MAN1A1: variants seen among roughly 807,000 people sequenced by gnomAD.
MAN1A1 encodes the protein mannosyl-oligosaccharide 1,2-alpha-mannosidase IA.
Under a neutral mutation model 70.8 loss-of-function variants are expected in MAN1A1, and 29 were observed. The ratio of observed to expected loss-of-function variants is 0.41; its 90% confidence interval spans 0.31 to 0.56. MAN1A1 has a LOEUF of 0.56. Among genes scored for constraint, MAN1A1 ranks in the 20% least tolerant of loss-of-function variants. The probability of loss-of-function intolerance (pLI) is 0.29; values close to 1 mark genes in which losing one functional copy is unlikely to be tolerated. For missense variants in MAN1A1, 747 were observed against 841.3 expected (o/e 0.89, Z 1.39); for synonymous variants, 349 against 330.1 (o/e 1.06, Z -0.62).
chr6:119,224,999 T>C (rs1247351450), intron 6 of MAN1A1, among the ~76,000 whole-genome samples: 1 of 151,992 alleles, frequency 6.6e-6, no homozygotes, highest in South Asian at 2.1e-4. Context: ...TGGTGGTGCA[T>C]GCCTGTAATC....
intron 6 of MAN1A1, among the ~76,000 whole-genome samples, chr6:119,246,654 G>A (rs374492274): frequency 9.2e-5 from 14 of 152,124 alleles, no homozygotes; most frequent in African/African-American, 2.9e-4. Context: ...AATTGTGCAC[G>A]GTGCTTTTGT....
intron 6 of MAN1A1, among the ~76,000 whole-genome samples, chr6:119,235,279 C>T (rs1774810298): frequency 6.6e-6 from 1 of 152,146 alleles, no homozygotes; most frequent in Non-Finnish European, 1.5e-5. Context: ...GAAAACAGAA[C>T]AAAAGCTATG....
intron 5 of MAN1A1, among the ~76,000 whole-genome samples, chr6:119,256,751 T>C (rs1487161239): frequency 6.6e-6 from 1 of 152,186 alleles, no homozygotes; most frequent in Admixed American, 6.5e-5. Flanking sequence ...TTTTCTCTTT[T>C]GTAAAATGGG....
At chr6:119,278,540 C>A (rs191872110) in intron 5 of MAN1A1, among the ~76,000 whole-genome samples, 1 of 151,894 alleles carries the variant, frequency 6.6e-6, no homozygotes. Context: ...ATCACTTCAC[C>A]GGTACTTAGT....
At chr6:119,345,976 C>T (rs1478929946) in intron 2 of MAN1A1, among the ~76,000 whole-genome samples, 3 of 152,008 alleles carry the variant, frequency 2.0e-5, no homozygotes, top group Non-Finnish European at 2.9e-5. Flanking sequence ...TGTGGTGGCA[C>T]GTGCCTGTAA....
rs1167101853 is a variant in MAN1A1 at position 119,177,644 on chromosome 6, CTCTTA to C, written c.*2170_*2174del. 1 of 151,936 alleles carries C rather than the reference CTCTTA, an allele frequency of 6.6e-6. No homozygotes were observed. Among genetic ancestry groups the C allele is most frequent in the Non-Finnish European group, 1.5e-5 (1 of 67,878 alleles). The allele number at this position is 151,936 out of a possible 1,614,324, so 9.4% of individuals were successfully genotyped here. A position where few individuals can be genotyped will look rare whatever the true frequency, so the allele number is the denominator to read the frequency against. ...TAAATTACATCACTACAATATTAATCTCTTATCTTGTTTACATTTTTGGTGTTTTG... is the reference window on the plus strand; with the variant it reads ...TAAATTACATCACTACAATATTAATCTCTTGTTTACATTTTTGGTGTTTTG... On this transcript the variant is annotated 3_prime_UTR_variant, in exon 13 of 13. Transcript: ENST00000368468.
At chr6:119,196,819 A>G (rs55810690) in intron 8 of MAN1A1, among the ~76,000 whole-genome samples, 1 of 152,206 alleles carries the variant, frequency 6.6e-6, no homozygotes, top group Non-Finnish European at 1.5e-5. Context: ...GCTAGACTAG[A>G]TATAGATAGA....
chr6:119,293,756 G>A (rs3798620), intron 4 of MAN1A1, among the ~76,000 whole-genome samples: 57,414 of 151,800 alleles, frequency 0.38, 11,344 homozygotes, highest in Non-Finnish European at 0.41. Context: ...TTATAGATTC[G>A]TAGATGAAAA....
intron 5 of MAN1A1, among the ~76,000 whole-genome samples, chr6:119,254,814 G>T (rs1012864498): frequency 6.6e-6 from 1 of 152,046 alleles, no homozygotes; most frequent in Admixed American, 6.5e-5. Context: ...CTGAAAGAAG[G>T]GTGGTAAAAT....
Position 119,348,831 on chromosome 6 carries a change from C to G in MAN1A1, c.235G>C (p.Ala79Pro). 6.8e-7 allele frequency: 1 copy of G among 1,477,760 alleles called. No homozygotes were observed. Among genetic ancestry groups the G allele is most frequent in the East Asian group, 2.8e-5 (1 of 35,344 alleles). The allele number at this position is 1,477,760 out of a possible 1,614,324, so 91.5% of individuals were successfully genotyped here. ...TTGTGGTCGGCGGCCGGCTGCAAGG[C>G]GGGGCTGGAGTGGAACAGGACCCCG... ...LSGVLFHSSPALQPAADHKPG... is the reference protein window; with the variant it reads ...LSGVLFHSSPPLQPAADHKPG... Residue 79 changes from alanine (A) to proline (P), a missense_variant, in exon 2 of 13, where the codon GCC (alanine) becomes CCC (proline). Transcript: ENST00000368468.
intron 11 of MAN1A1, among the ~76,000 whole-genome samples, chr6:119,180,899 A>G (rs1773135908): frequency 6.6e-6 from 1 of 152,214 alleles, no homozygotes; most frequent in African/African-American, 2.4e-5. Flanking sequence ...ACCATAAACT[A>G]AATGTAAATT....
At chr6:119,232,073 T>G (rs914735335) in intron 6 of MAN1A1, among the ~76,000 whole-genome samples, 10 of 152,066 alleles carry the variant, frequency 6.6e-5, no homozygotes, top group Non-Finnish European at 1.5e-4. Context: ...CATGGAAAAC[T>G]TTTAAAAATA....
intron 2 of MAN1A1, among the ~76,000 whole-genome samples, chr6:119,316,176 T>G (rs1469317864): frequency 7.3e-4 from 24 of 32,680 alleles, no homozygotes; most frequent in Admixed American, 2.3e-3. Context: ...TTTTTGTGGG[T>G]TTTTTTTTTT....
At chr6:119,348,144 T>C (rs1033682415) in intron 2 of MAN1A1, among the ~76,000 whole-genome samples, 1 of 152,182 alleles carries the variant, frequency 6.6e-6, no homozygotes, top group African/African-American at 2.4e-5. Flanking sequence ...GTGGGGCGAT[T>C]AACCGTGTAG....
intron 7 of MAN1A1, among the ~76,000 whole-genome samples, chr6:119,202,816 G>GA (rs1236199723): frequency 1.3e-5 from 2 of 152,020 alleles, no homozygotes; most frequent in African/African-American, 4.8e-5. Context: ...AAATACTGTG[G>GA]AAAAAAATAA....
chr6:119,318,715 C>T (rs1199429593), intron 2 of MAN1A1, among the ~76,000 whole-genome samples: 2 of 152,158 alleles, frequency 1.3e-5, no homozygotes, highest in Non-Finnish European at 2.9e-5. Context: ...TCTCTTACTT[C>T]TGTACCCTGT....
chr6:119,290,915 T>C, intron 4 of MAN1A1, 152 bp from the exon 5 acceptor site: 1 of 580,648 alleles, frequency 1.7e-6, no homozygotes. Flanking sequence ...CTTTTAAAAT[T>C]AAGGTATTAA....
intron 6 of MAN1A1, among the ~76,000 whole-genome samples, chr6:119,240,320 T>G (rs1034310669): frequency 2.0e-5 from 3 of 152,200 alleles, no homozygotes; most frequent in African/African-American, 7.2e-5. Context: ...TGTAGAACTT[T>G]CTGAAAGTAT....
At chr6:119,247,733 T>A (rs1354016781) in intron 6 of MAN1A1, among the ~76,000 whole-genome samples, 1 of 152,172 alleles carries the variant, frequency 6.6e-6, no homozygotes, top group Non-Finnish European at 1.5e-5. Context: ...TGGATTGATC[T>A]GGGTGAGTGC....
Sources: allele counts gnomAD v4.1 joint callset (sites outside exome capture counted in the v4.1 genomes callset), GRCh38; gene constraint gnomAD v4.1.1; transcripts MANE v1.5; gene names NCBI Gene and HGNC (gene_info 2026-07-23, HGNC 2026-07-21).